Variants in SIGLEC7 observed in about 807,000 individuals in gnomAD.
The protein encoded by SIGLEC7 is sialic acid-binding Ig-like lectin 7.
Under a neutral mutation model 40.8 loss-of-function variants are expected in SIGLEC7, and 33 were observed. The observed-to-expected ratio is 0.81, with a 90% CI of 0.61 to 1.08. The LOEUF (loss-of-function observed/expected upper bound fraction) is 1.08, where lower values mean the gene tolerates loss of function less well. SIGLEC7 is among the 50% of genes least tolerant of loss of function. SIGLEC7 has a pLI of 0.00. For synonymous variants in SIGLEC7, 242 were observed against 237.6 expected (o/e 1.02, Z -0.17); for missense variants, 513 against 576.1 (o/e 0.89, Z 1.12).
chr19:51,151,864 C>T (rs1287054258), intron 6 of SIGLEC7, among the ~76,000 whole-genome samples: 1 of 152,194 alleles, frequency 6.6e-6, no homozygotes, highest in African/African-American at 2.4e-5. Context: ...CAAGCAAAAT[C>T]ACTGACAGTT....
chr19:51,147,849 C>CT (rs1039224715), intron 6 of SIGLEC7, among the ~76,000 whole-genome samples: 1 of 152,216 alleles, frequency 6.6e-6, no homozygotes, highest in Non-Finnish European at 1.5e-5. Flanking sequence ...ATATTTTTGG[C>CT]TTTCTGGCCT....
Position 51,144,588 on chromosome 19 carries a change from C to T in SIGLEC7, c.616C>T (p.Pro206Ser). ...CCGCTCCTCAGTGCTCACCCTCATC[C>T]CACAGCCCCAGCACCACGGCACCAG... ...TTRSSVLTLI[P>S]QPQHHGTSLT... Residue 206 changes from proline (P) to serine (S), a missense_variant, in exon 2 of 7, where the codon CCA becomes TCA. By Grantham distance (74) the Pro-to-Ser change is moderately conservative. Coordinates refer to ENST00000317643, the MANE Select transcript of SIGLEC7 (RefSeq NM_014385.4). 1 of 1,613,924 alleles carries T rather than the reference C, an allele frequency of 6.2e-7. No homozygotes were observed. Among genetic ancestry groups the T allele is most frequent in the Non-Finnish European group, 8.5e-7 (1 of 1,179,952 alleles).
chr19:51,146,135 G>A lies in SIGLEC7; in HGVS notation c.1027+14G>A. The stretch of plus-strand genomic sequence containing the variant: ...AGGAGTACACAGGTGGGTAAGGGAG[G>A]GGCTGGAGGAGGAGAACACACCTGC... On this transcript the variant is annotated intron_variant, in intron 4 of 6. Coordinates refer to ENST00000317643, the MANE Select transcript of SIGLEC7 (RefSeq NM_014385.4). 6.2e-7 allele frequency: 1 copy of A among 1,611,224 alleles called. No individual in the cohort carries two copies. The highest frequency in any genetic ancestry group is 8.5e-7 in the Non-Finnish European group (1 of 1,178,010).
chr19:51,152,720 C>T (rs1489980520), intron 6 of SIGLEC7, among the ~76,000 whole-genome samples: 5 of 152,182 alleles, frequency 3.3e-5, no homozygotes, highest in Non-Finnish European at 7.3e-5. Flanking sequence ...ACAGAGGGCC[C>T]CAGCAGGACT....
intron 2 of SIGLEC7, 107 bp from the exon 3 acceptor site, chr19:51,144,805 C>A: frequency 6.3e-7 from 1 of 1,577,164 alleles, no homozygotes; most frequent in Non-Finnish European, 8.7e-7. Context: ...GTTGTGGGAT[C>A]AGGAGGACGC....
intron 5 of SIGLEC7, 125 bp from the exon 6 acceptor site, chr19:51,147,095 TG>T: frequency 1.4e-6 from 2 of 1,429,456 alleles, no homozygotes; most frequent in Admixed American, 2.3e-5. Flanking sequence ...TCTCTGGGAC[TG>T]GACCACCCTC....
intron 5 of SIGLEC7, 36 bp downstream of exon 5, chr19:51,146,886 G>C (rs373238870): frequency 1.9e-6 from 3 of 1,582,214 alleles, no homozygotes; most frequent in South Asian, 1.1e-5. Flanking sequence ...GGAGAGTCCT[G>C]GGGGAGGGCG....
chr19:51,150,730 A>C (rs2092137817), intron 6 of SIGLEC7, among the ~76,000 whole-genome samples: 1 of 152,128 alleles, frequency 6.6e-6, no homozygotes, highest in South Asian at 2.1e-4. Context: ...TCTGACATTT[A>C]TTGTGTGATT....
chr19:51,146,984 C>T, intron 5 of SIGLEC7, 134 bp downstream of exon 5: 1 of 1,008,576 alleles, frequency 9.9e-7, no homozygotes, highest in Non-Finnish European at 1.5e-6. Context: ...GGGTGCGTGG[C>T]AAGAATTTCA....
intron 1 of SIGLEC7, chr19:51,143,896 C>T (rs560984758): frequency 3.5e-5 from 16 of 456,232 alleles, no homozygotes; most frequent in Admixed American, 1.5e-4. Context: ...AGGGCTAGTG[C>T]GTCTCTGTGC....
chr19:51,144,062 C>T (rs112880201), intron 1 of SIGLEC7: 3 of 611,248 alleles, frequency 4.9e-6, no homozygotes, highest in Non-Finnish European at 9.5e-6. Flanking sequence ...ATTCCACCTC[C>T]TTGGGGACCT....
At chr19:51,144,880 G>GTGA in intron 2 of SIGLEC7, 32 bp from the exon 3 acceptor site, 1 of 1,612,460 alleles carries the variant, frequency 6.2e-7, no homozygotes. Flanking sequence ...AGCCCTCACA[G>GTGA]TGATGCAGGT....
intron 6 of SIGLEC7, among the ~76,000 whole-genome samples, chr19:51,149,276 TA>T (rs1232926603): frequency 6.6e-6 from 1 of 152,240 alleles, no homozygotes; most frequent in African/African-American, 2.4e-5. Context: ...CCAGAGTTTT[TA>T]TAGTTTTGAG....
intron 6 of SIGLEC7, among the ~76,000 whole-genome samples, chr19:51,147,881 T>A (rs2092120482): frequency 6.6e-6 from 1 of 152,194 alleles, no homozygotes. Flanking sequence ...TTGCAGCTCC[T>A]CAACTCTACT....
chr19:51,150,622 G>C (rs1354507760), intron 6 of SIGLEC7, among the ~76,000 whole-genome samples: 2 of 152,176 alleles, frequency 1.3e-5, no homozygotes, highest in African/African-American at 4.8e-5. Context: ...CCAGATTTTG[G>C]TATCAGGATG....
rs950257961 is a variant in SIGLEC7 at position 51,152,984 on chromosome 19, G to A, written c.1222-79G>A. The A allele has an allele frequency of 9.9e-5, 125 of 1,266,950 alleles. 1 individual carries two copies. The Middle Eastern group carries it at 1.8e-3, about 18-fold the overall frequency. 78.5% of individuals were successfully genotyped at this position (1,266,950 alleles called of 1,614,324 possible). On this transcript the variant is annotated intron_variant, in intron 6 of 6. Coordinates refer to ENST00000317643, the MANE Select transcript of SIGLEC7 (RefSeq NM_014385.4). ...AGGAATATATCCGAACCAACCAACCGATCAAACAACTTGTGACTCTCCCTG... is the reference window on the plus strand; with the variant it reads ...AGGAATATATCCGAACCAACCAACCAATCAAACAACTTGTGACTCTCCCTG...
Position 51,153,278 on chromosome 19 carries a change from T to C in SIGLEC7, c.*33T>C. 2 of 1,471,494 alleles carry C rather than the reference T, an allele frequency of 1.4e-6. No individual in the cohort carries two copies. Among genetic ancestry groups the C allele is most frequent in the Non-Finnish European group, 1.8e-6 (2 of 1,101,124 alleles). 91.2% of individuals were successfully genotyped at this position (1,471,494 alleles called of 1,614,324 possible). A position where few individuals can be genotyped will look rare whatever the true frequency, so the allele number is the denominator to read the frequency against. On this transcript the variant is annotated 3_prime_UTR_variant, in exon 7 of 7. Transcript: ENST00000317643. The stretch of plus-strand genomic sequence containing the variant: ...CAGAGGCTCGGGCTTGTTTGAGGGT[T>C]CACGACCCCTCCAGCAAAGGAGTCT...
At chr19:51,149,693 C>T (rs1422048158) in intron 6 of SIGLEC7, among the ~76,000 whole-genome samples, 1 of 152,138 alleles carries the variant, frequency 6.6e-6, no homozygotes, top group Non-Finnish European at 1.5e-5. Flanking sequence ...TGAAGAATCT[C>T]ATTGGTAGTT....
chr19:51,142,321 C>T lies in SIGLEC7; in HGVS notation c.-49C>T. 1.3e-6 allele frequency: 2 copies of T among 1,587,206 alleles called. No homozygotes were observed. Among genetic ancestry groups the T allele is most frequent in the Non-Finnish European group, 1.7e-6 (2 of 1,166,454 alleles). On this transcript the variant is annotated 5_prime_UTR_variant, in exon 1 of 7. Coordinates refer to ENST00000317643, the MANE Select transcript of SIGLEC7 (RefSeq NM_014385.4). This position sits in a 1 kb window ranked among gnomAD's most constrained non-coding sequence, Gnocchi z 5.0. ...AGCCCGCAGTTCCTGAGAGAAGAAC[C>T]CTGAGGAACAGACGTTCCCTCGCGG...
Sources: allele counts gnomAD v4.1 joint callset (sites outside exome capture counted in the v4.1 genomes callset), GRCh38; gene constraint gnomAD v4.1.1; non-coding constraint Gnocchi (gnomAD v3.1); transcripts MANE v1.5; gene names NCBI Gene and HGNC (gene_info 2026-07-23, HGNC 2026-07-21).